Variants in GHITM observed in about 807,000 individuals in gnomAD.
GHITM encodes growth hormone-inducible transmembrane protein.
GHITM carries 24 observed loss-of-function variants against 38.7 expected under a neutral mutation model. That is an observed-to-expected ratio of 0.62 (90% confidence interval 0.45 to 0.87). The LOEUF (loss-of-function observed/expected upper bound fraction) is 0.87, where lower values mean the gene tolerates loss of function less well. Among genes scored for constraint, GHITM ranks in the 40% least tolerant of loss-of-function variants. GHITM has a pLI of 0.00. For synonymous variants in GHITM, 154 were observed against 147.8 expected, an observed-to-expected ratio of 1.04 and a Z score of -0.30; for missense variants, 420 against 429.8, an observed-to-expected ratio of 0.98 and a Z score of 0.20.
In GHITM at chr10:84,150,142, G is replaced by A; in HGVS notation, c.680G>A (p.Gly227Glu). The A allele has an allele frequency of 6.2e-7, 1 of 1,614,102 alleles. No homozygotes were observed. Among genetic ancestry groups the A allele is most frequent in the East Asian group, 2.2e-5 (1 of 44,886 alleles). Residue 227 changes from glycine to glutamate, a missense_variant, in exon 7 of 9, where the codon GGA becomes GAA. By Grantham distance (98) the Gly-to-Glu change is moderately conservative (BLOSUM62 -2). Transcript: ENST00000372134. ...GCATGGTACACAGCTGGCATTGTGG[G>A]AGGCCTCTCCACTGTGGCCATGTGT... ...RAAWYTAGIV[G>E]GLSTVAMCAP...
intron 5 of GHITM, among the ~76,000 whole-genome samples, chr10:84,148,461 T>C (rs1841579165): frequency 6.6e-6 from 1 of 152,040 alleles, no homozygotes; most frequent in Non-Finnish European, 1.5e-5. Context: ...TGCGCCTGGC[T>C]AATTTTTGTA....
At chr10:84,148,965 C>T (rs907738080) in intron 6 of GHITM, 127 bp downstream of exon 6, 3 of 660,010 alleles carry the variant, frequency 4.5e-6, no homozygotes, top group African/African-American at 3.6e-5. Flanking sequence ...TTTCTTCAGT[C>T]ATTACTGGCT....
rs1406418530 is a variant in GHITM at position 84,148,711 on chromosome 10, A to G, written c.484-19A>G. ...TTTCATATAAAGATCAGTTTTTCTT[A>G]ATAGTACTTGTCTTTCAGACAATTG... On this transcript the variant is annotated intron_variant, in intron 5 of 8. Transcript: ENST00000372134. 4.0e-6 allele frequency: 6 copies of G among 1,507,412 alleles called. No individual in the cohort carries two copies. The highest frequency in any genetic ancestry group is 5.5e-6 in the Non-Finnish European group (6 of 1,083,148). The allele number at this position is 1,507,412 out of a possible 1,614,324, so 93.4% of individuals were successfully genotyped here.
intron 3 of GHITM, among the ~76,000 whole-genome samples, chr10:84,143,326 C>T (rs996347122): frequency 3.0e-4 from 45 of 152,192 alleles, no homozygotes; most frequent in African/African-American, 4.8e-5. Flanking sequence ...TGGGAGAGAG[C>T]CCTAATCAGT....
intron 3 of GHITM, among the ~76,000 whole-genome samples, chr10:84,143,097 T>C (rs1841523396): frequency 6.6e-6 from 1 of 152,182 alleles, no homozygotes; most frequent in Non-Finnish European, 1.5e-5. Flanking sequence ...TAAGAATAAA[T>C]CACCAACACA....
chr10:84,139,945 A>C (rs895653075), intron 1 of GHITM: 1 of 152,294 alleles, frequency 6.6e-6, no homozygotes, highest in African/African-American at 2.4e-5. Flanking sequence ...CCGGGTTCTC[A>C]TCTGAATCTA....
chr10:84,142,510 T>TAA, intron 2 of GHITM, 145 bp from the exon 3 acceptor site: 1 of 426,566 alleles, frequency 2.3e-6, no homozygotes. Flanking sequence ...AGTTGGCTAA[T>TAA]AAATTTCCAT....
At chr10:84,143,647 C>G (rs1392246188) in intron 3 of GHITM, among the ~76,000 whole-genome samples, 7 of 152,132 alleles carry the variant, frequency 4.6e-5, no homozygotes, top group Non-Finnish European at 8.8e-5. Context: ...TCATTTTTTA[C>G]TTTCCATGAA....
intron 5 of GHITM, among the ~76,000 whole-genome samples, chr10:84,145,401 A>G (rs556011980): frequency 6.6e-6 from 1 of 152,378 alleles, no homozygotes; most frequent in South Asian, 2.1e-4. Context: ...AAAAGTAGGA[A>G]GTTCATTCTA....
chr10:84,141,756 G>A (rs1841509564), intron 2 of GHITM, 127 bp downstream of exon 2: 1 of 813,478 alleles, frequency 1.2e-6, no homozygotes, highest in African/African-American at 1.7e-5. Flanking sequence ...TCCCCAATCA[G>A]CTCTTTCTCC....
At chr10:84,143,868 G>A (rs995528823) in intron 3 of GHITM, 127 bp from the exon 4 acceptor site, 15 of 655,252 alleles carry the variant, frequency 2.3e-5, no homozygotes, top group Non-Finnish European at 3.6e-5. Flanking sequence ...GGCAATTTCT[G>A]TACCCCATAT....
At position 84,141,389 on chromosome 10, in the gene GHITM, T is replaced by C. The variant is rs1032877573; in HGVS notation, c.-39-73T>C. On this transcript the variant is annotated intron_variant, in intron 1 of 8. Transcript: ENST00000372134. The stretch of plus-strand genomic sequence containing the variant: ...GTTCCTTGACTCTGACTCTCATATG[T>C]CCTTCTCTTAATTGGTTAGTAGGTT... 3.6e-6 allele frequency: 3 copies of C among 834,734 alleles called. No homozygotes were observed. In the African/African-American group the frequency reaches 5.1e-5, roughly 14 times the overall value. The allele number at this position is 834,734 out of a possible 1,614,324, so 51.7% of individuals were successfully genotyped here.
rs1481775637 is a variant in GHITM, at chr10:84,152,486, T to C, written c.*138T>C. 2.1e-6 allele frequency: 1 copy of C among 483,638 alleles called. No individual in the cohort carries two copies. Among genetic ancestry groups the C allele is most frequent in the Non-Finnish European group, 3.7e-6 (1 of 272,570 alleles). 30.0% of individuals were successfully genotyped at this position (483,638 alleles called of 1,614,324 possible). On this transcript the variant is annotated 3_prime_UTR_variant, in exon 9 of 9. Coordinates refer to ENST00000372134, the MANE Select transcript of GHITM (RefSeq NM_014394.3). ...ATGTCATCATATTTAAATGTTCCGG[T>C]AATGTGATGCCTCAGGTCTGCCTTT...
chr10:84,142,817 C>A, intron 3 of GHITM, 63 bp downstream of exon 3: 1 of 805,636 alleles, frequency 1.2e-6, no homozygotes, highest in Non-Finnish European at 2.1e-6. Context: ...GGTCCATGAA[C>A]AACTTCCTAA....
chr10:84,147,555 G>T (rs1362849686), intron 5 of GHITM, among the ~76,000 whole-genome samples: 2 of 152,144 alleles, frequency 1.3e-5, no homozygotes, highest in African/African-American at 4.8e-5. Flanking sequence ...GGAGATTGTT[G>T]ACATCTAGAG....
Position 84,152,262 on chromosome 10 carries a change from A to C in GHITM, c.954-2A>C, listed in dbSNP as rs1841619883. 1 of 1,516,096 alleles carries C rather than the reference A, an allele frequency of 6.6e-7. No homozygotes were observed. 93.9% of individuals were successfully genotyped at this position (1,516,096 alleles called of 1,614,324 possible). A position where few individuals can be genotyped will look rare whatever the true frequency, so the allele number is the denominator to read the frequency against. On this transcript the variant is annotated splice_acceptor_variant, in intron 8 of 8. Transcript: ENST00000372134. LOFTEE classifies it high-confidence loss of function. ...TATAATGGGCATAATTTTCTTTTCT[A>C]GGATGCTGAGTATCTACATGGATAC...
intron 1 of GHITM, among the ~76,000 whole-genome samples, chr10:84,141,034 G>A (rs145297768): frequency 8.9e-4 from 136 of 152,286 alleles, no homozygotes; most frequent in Non-Finnish European, 1.6e-3. Flanking sequence ...TTCTTTGGAT[G>A]ACACTATTCC....
At chr10:84,144,543 G>A (rs572814732) in intron 4 of GHITM, among the ~76,000 whole-genome samples, 7 of 152,132 alleles carry the variant, frequency 4.6e-5, no homozygotes, top group Middle Eastern at 3.4e-3. Flanking sequence ...TAGTAGAGAC[G>A]GGGTTTCACC....
chr10:84,144,238 A>G (rs1841535040), intron 4 of GHITM, 132 bp downstream of exon 4: 1 of 579,976 alleles, frequency 1.7e-6, no homozygotes, highest in Non-Finnish European at 3.1e-6. Context: ...ATACACACAA[A>G]TAGAGAATCT....
Sources: gnomAD v4.1 joint callset for allele counts (sites outside exome capture counted in the v4.1 genomes callset) on GRCh38, gnomAD v4.1.1 for gene constraint, MANE v1.5 for transcripts, NCBI Gene and HGNC (gene_info 2026-07-23, HGNC 2026-07-21) for gene names.